Variants in DMGDH observed in about 807,000 individuals in gnomAD.
The protein encoded by DMGDH is dimethylglycine dehydrogenase, mitochondrial.
A neutral mutation model predicts 95.2 loss-of-function variants in DMGDH; 76 were observed. That is an observed-to-expected ratio of 0.80 (90% CI 0.66 to 0.97). The LOEUF is 0.97. Ranked by LOEUF, DMGDH falls within the 50% of genes least tolerant of loss-of-function variation. The pLI, the probability that DMGDH is intolerant of heterozygous loss-of-function variation, is 0.00. For synonymous variants in DMGDH, 345 were observed against 377.6 expected (o/e 0.91, Z 1.00); for missense variants, 987 against 1,055.0 (o/e 0.94, Z 0.89).
At chr5:79,042,767 G>GTC (rs796847109) in intron 6 of DMGDH, among the ~76,000 whole-genome samples, 3,581 of 106,134 alleles carry the variant, frequency 0.034, 144 homozygotes, top group African/African-American at 0.11. Flanking sequence ...AATCCAATCA[G>GTC]TTTTTTTTAA....
At chr5:79,027,138 A>C (rs1309899353) in intron 12 of DMGDH, among the ~76,000 whole-genome samples, 1 of 152,186 alleles carries the variant, frequency 6.6e-6, no homozygotes, top group Non-Finnish European at 1.5e-5. Flanking sequence ...AAAAGAAATT[A>C]AATGTAACCC....
At chr5:79,035,971 G>C (rs1754337111) in intron 7 of DMGDH, among the ~76,000 whole-genome samples, 1 of 152,132 alleles carries the variant, frequency 6.6e-6, no homozygotes, top group South Asian at 2.1e-4. Flanking sequence ...AACATCTCTG[G>C]AGAATCCCTG....
intron 15 of DMGDH, among the ~76,000 whole-genome samples, chr5:78,998,896 T>A (rs1200696841): frequency 6.6e-6 from 1 of 151,858 alleles, no homozygotes; most frequent in African/African-American, 2.4e-5. Context: ...AAAAGGTTAC[T>A]GGAAATCAGG....
chr5:79,052,161 T>C (rs2204060), intron 4 of DMGDH, among the ~76,000 whole-genome samples: 97,243 of 152,072 alleles, frequency 0.64, 31,257 homozygotes, highest in East Asian at 0.78. Context: ...GAATACATTC[T>C]ATTTGGTCAT....
chr5:79,044,089 T>C (rs1754597306), intron 6 of DMGDH, among the ~76,000 whole-genome samples: 1 of 152,256 alleles, frequency 6.6e-6, no homozygotes, highest in African/African-American at 2.4e-5. Context: ...TCAGCTTCTC[T>C]ACCATCAACT....
In DMGDH at chr5:79,028,644, A is replaced by G. The variant is rs1253185492; in HGVS notation, c.1821T>C (p.Ile607=). 6.2e-7 allele frequency: 1 copy of G among 1,614,164 alleles called. No individual in the cohort carries two copies. The change falls in exon 12 of 16, where the codon ATT becomes ATC. Residue 607 remains isoleucine (I), a synonymous_variant. Coordinates refer to ENST00000255189, the MANE Select transcript of DMGDH (RefSeq NM_013391.3). The part of the protein sequence containing the change: ...SGSELHDLRW[I]EEEAVKGGYD... ...ATCCACCTTTGACTGCTTCTTCTTC[A>G]ATCCATCTGCGTTTTAGTCATGAAC...
Position 79,033,325 on chromosome 5 carries a change from T to C in DMGDH, c.1277A>G (p.Glu426Gly). ...TTTGCCATAGCGATTAGGATCCAAT[T>C]CTATCAGATCAAAAGGAGGTTCTCC... Reference protein sequence around the residue: ...LHGEPPFDLIELDPNRYGKWT... With the variant: ...LHGEPPFDLIGLDPNRYGKWT... The change falls in exon 8 of 16, where the codon GAA becomes GGA. Residue 426 changes from glutamate to glycine, a missense_variant. Physicochemically the swap from Glu to Gly is moderately conservative, Grantham distance 98 (BLOSUM62 -2). Transcript: ENST00000255189. 2 of 1,614,194 alleles carry C rather than the reference T, an allele frequency of 1.2e-6. No individual in the cohort carries two copies. The highest frequency in any genetic ancestry group is 1.7e-6 in the Non-Finnish European group (2 of 1,180,032).
intron 1 of DMGDH, 52 bp from the exon 2 acceptor site, chr5:79,063,839 G>C (rs1167339438): frequency 6.3e-7 from 1 of 1,589,672 alleles, no homozygotes; most frequent in South Asian, 1.1e-5. Context: ...GGTAGCTATA[G>C]TTCTGGCCTA....
intron 7 of DMGDH, among the ~76,000 whole-genome samples, chr5:79,038,378 GGAGGCTGAAGCAA>G (rs1485764398): frequency 6.6e-6 from 1 of 152,102 alleles, no homozygotes; most frequent in Non-Finnish European, 1.5e-5. Context: ...CAGCTATTTG[GGAGGCTGAAGCAA>G]GAGAATTGCT....
At chr5:79,017,197 A>G (rs1753749443) in intron 14 of DMGDH, among the ~76,000 whole-genome samples, 1 of 152,186 alleles carries the variant, frequency 6.6e-6, no homozygotes, top group Admixed American at 6.5e-5. Flanking sequence ...AAGAACTTTA[A>G]AATTCAAAAA....
At position 79,023,850 on chromosome 5, in the gene DMGDH, T is replaced by C. The variant is rs562474314; in HGVS notation, c.2250+421A>G. On this transcript the variant is annotated intron_variant, in intron 14 of 15. Transcript: ENST00000255189. ...GACAGATATGCTGAAGTGAGGCTGCTCCACACTGTGAGTATCCAGAAGGAT... is the reference window on the plus strand; with the variant it reads ...GACAGATATGCTGAAGTGAGGCTGCCCCACACTGTGAGTATCCAGAAGGAT... 2.6e-5 allele frequency among the ~76,000 whole-genome samples: 4 copies of C among 152,352 alleles called. No homozygotes were observed. The South Asian group carries it at 6.2e-4, about 24-fold the overall frequency.
At chr5:79,001,920 T>C (rs1753459981) in intron 15 of DMGDH, among the ~76,000 whole-genome samples, 1 of 152,228 alleles carries the variant, frequency 6.6e-6, no homozygotes. Flanking sequence ...TAAATAGTTC[T>C]ACCTAAAATC....
chr5:79,038,895 AAGGATG>A, intron 7 of DMGDH, among the ~76,000 whole-genome samples: 1 of 152,126 alleles, frequency 6.6e-6, no homozygotes, highest in Admixed American at 6.5e-5. Context: ...AAAGTGGGCG[AAGGATG>A]TGAACAGACA....
chr5:79,047,269 T>A (rs1007498482), intron 5 of DMGDH, among the ~76,000 whole-genome samples: 9 of 152,174 alleles, frequency 5.9e-5, no homozygotes, highest in Non-Finnish European at 2.9e-5. Flanking sequence ...TTCCATTTTT[T>A]AAAAATGCAG....
At chr5:79,044,637 ATGT>A in intron 5 of DMGDH, 85 bp from the exon 6 acceptor site, 1 of 1,504,030 alleles carries the variant, frequency 6.6e-7, no homozygotes, top group Non-Finnish European at 9.1e-7. Context: ...TTAGAATAAA[ATGT>A]TTAGAAGGCT....
At chr5:79,013,005 C>T (rs1229663044) in intron 14 of DMGDH, among the ~76,000 whole-genome samples, 1 of 152,216 alleles carries the variant, frequency 6.6e-6, no homozygotes, top group Non-Finnish European at 1.5e-5. Context: ...ATGTCTCCAG[C>T]CTGCTTGAAT....
chr5:79,061,338 A>G (rs1160692154), intron 2 of DMGDH, among the ~76,000 whole-genome samples: 1 of 152,044 alleles, frequency 6.6e-6, no homozygotes. Context: ...AAAAAACCCT[A>G]GAATCAACTT....
chr5:79,000,716 G>A (rs1185417942), intron 15 of DMGDH: 1 of 622,080 alleles, frequency 1.6e-6, no homozygotes, highest in Non-Finnish European at 3.1e-6. Flanking sequence ...TCCACTCACA[G>A]GTAAAGAATA....
chr5:79,064,359 A>G (rs79181192), intron 1 of DMGDH, among the ~76,000 whole-genome samples: 3 of 122,026 alleles, frequency 2.5e-5, no homozygotes, highest in Non-Finnish European at 5.8e-5. Flanking sequence ...TCTCAAAAGG[A>G]AAAAAAAAAA....
Sources: allele counts gnomAD v4.1 joint callset (sites outside exome capture counted in the v4.1 genomes callset), GRCh38; gene constraint gnomAD v4.1.1; transcripts MANE v1.5; gene names NCBI Gene and HGNC (gene_info 2026-07-23, HGNC 2026-07-21).